The following GNB4 variants were observed in gnomAD, a reference collection of about 807,000 sequenced individuals.
GNB4 encodes guanine nucleotide-binding protein subunit beta-4.
GNB4 carries 28 observed loss-of-function variants against 45.2 expected under a neutral mutation model. That is an observed-to-expected ratio of 0.62 (90% CI 0.46 to 0.85). The LOEUF (loss-of-function observed/expected upper bound fraction) is 0.85. GNB4 is among the 40% of genes least tolerant of loss of function. The probability of loss-of-function intolerance (pLI) is 0.00; values close to 1 mark genes in which losing one functional copy is unlikely to be tolerated. For synonymous variants in GNB4, 132 were observed against 143.7 expected (o/e 0.92, Z 0.58); for missense variants, 321 against 425.4 (o/e 0.75, Z 2.16).
the GNB4 span, among the ~76,000 whole-genome samples, chr3:179,518,369 T>A: frequency 1.3e-5 from 2 of 152,084 alleles, no homozygotes; most frequent in Non-Finnish European, 2.9e-5. Flanking sequence ...CCCTCCTTAG[T>A]CTCTGTTCCC....
chr3:179,409,908 AT>A (rs760658358), intron 8 of GNB4, among the ~76,000 whole-genome samples: 1 of 151,846 alleles, frequency 6.6e-6, no homozygotes, highest in Non-Finnish European at 1.5e-5. Flanking sequence ...CCCAAATCTC[AT>A]CTTGCATTGT....
intron 2 of GNB4, among the ~76,000 whole-genome samples, chr3:179,425,851 T>C (rs996623895): frequency 4.6e-5 from 7 of 152,210 alleles, no homozygotes; most frequent in Non-Finnish European, 8.8e-5. Flanking sequence ...ATCTACATTA[T>C]GGTTTTGTAC....
chr3:179,523,883 TTTAG>T, the GNB4 span, among the ~76,000 whole-genome samples: 3 of 152,114 alleles, frequency 2.0e-5, no homozygotes, highest in Non-Finnish European at 4.4e-5. Flanking sequence ...AAGCAGATAA[TTTAG>T]TTAAAGTGTC....
chr3:179,474,000 C>A, the GNB4 span, among the ~76,000 whole-genome samples: 1 of 152,044 alleles, frequency 6.6e-6, no homozygotes, highest in South Asian at 2.1e-4. Context: ...ATTTGTTTGG[C>A]TTCGTCAGTT....
rs1714710076 is a variant in GNB4, at chr3:179,413,514, A to G, written c.597T>C (p.Phe199=). Residue 199 remains phenylalanine (F), a synonymous_variant, in exon 8 of 10, where the codon TTT becomes TTC. Transcript: ENST00000232564. ...AAGAGGCATCACAAGCACCAGAAAC[A>G]AAAGTCCTCATGTCAGGACTCAAAG... is the stretch of plus-strand genomic sequence containing the variant. The part of the protein sequence containing the change: ...SLSLSPDMRT[F]VSGACDASSK... 1.2e-6 allele frequency: 2 copies of G among 1,614,052 alleles called. No homozygotes were observed. The highest frequency in any genetic ancestry group is 2.2e-5 in the East Asian group (1 of 44,876).
the GNB4 span, among the ~76,000 whole-genome samples, chr3:179,468,035 A>AAAAAAAAAAAAAATATAT: frequency 8.9e-5 from 8 of 89,860 alleles, 1 homozygote; most frequent in Admixed American, 2.2e-4. Context: ...TGTTGATAAA[A>AAAAAAAAAAAAAATATAT]ATATATATAT....
intron 1 of GNB4, among the ~76,000 whole-genome samples, chr3:179,434,440 G>A (rs1022325771): frequency 6.6e-6 from 1 of 152,086 alleles, no homozygotes; most frequent in African/African-American, 2.4e-5. Context: ...CACACAATGG[G>A]CCAGGCGCAG....
chr3:179,480,989 T>C, the GNB4 span, among the ~76,000 whole-genome samples: 1 of 152,024 alleles, frequency 6.6e-6, no homozygotes, highest in South Asian at 2.1e-4. Context: ...TAGCTGGGAT[T>C]ACAGGCGCCC....
chr3:179,426,865 C>A (rs1357481671), intron 1 of GNB4, among the ~76,000 whole-genome samples: 4 of 152,176 alleles, frequency 2.6e-5, no homozygotes, highest in African/African-American at 7.2e-5. Flanking sequence ...CGACCACTCT[C>A]TGGTCTAATT....
chr3:179,511,529 ACT>A, the GNB4 span, among the ~76,000 whole-genome samples: 13 of 152,068 alleles, frequency 8.5e-5, no homozygotes, highest in Non-Finnish European at 1.9e-4. Flanking sequence ...AAGACCAAAG[ACT>A]CTGAAGGCAA....
intron 1 of GNB4, among the ~76,000 whole-genome samples, chr3:179,436,026 C>A (rs1267742219): frequency 6.6e-6 from 1 of 152,158 alleles, no homozygotes; most frequent in Non-Finnish European, 1.5e-5. Flanking sequence ...ACAAGTATTT[C>A]TTAGCTACTA....
the GNB4 span, among the ~76,000 whole-genome samples, chr3:179,495,419 T>C: frequency 3.1e-3 from 468 of 151,670 alleles, 2 homozygotes; most frequent in African/African-American, 0.011. Context: ...GAGGTTGCAG[T>C]GAGCCAAGGT....
intron 1 of GNB4, 38 bp downstream of exon 1, chr3:179,451,308 C>A (rs1231990804): frequency 1.3e-5 from 2 of 151,398 alleles, no homozygotes; most frequent in East Asian, 3.9e-4. Flanking sequence ...CTTCGCGGGG[C>A]GCACCGACGA....
chr3:179,426,311 C>G, intron 1 of GNB4, 69 bp from the exon 2 acceptor site: 1 of 743,386 alleles, frequency 1.3e-6, no homozygotes, highest in Admixed American at 3.1e-5. Context: ...TTTTACAATA[C>G]TGACATATAA....
the GNB4 span, among the ~76,000 whole-genome samples, chr3:179,521,732 T>C: frequency 6.6e-6 from 1 of 152,228 alleles, no homozygotes; most frequent in Non-Finnish European, 1.5e-5. Flanking sequence ...AGGCACTCTC[T>C]AATTGGATGC....
At chr3:179,427,064 C>T (rs1577034460) in intron 1 of GNB4, among the ~76,000 whole-genome samples, 1 of 152,072 alleles carries the variant, frequency 6.6e-6, no homozygotes, top group African/African-American at 2.4e-5. Flanking sequence ...GTTCCCTGAA[C>T]ATGCTAAGCA....
rs1356215956 is a variant in GNB4 at position 179,398,010 on chromosome 3, T to G, written c.*3203A>C. 4 of 152,052 alleles carry G rather than the reference T, an allele frequency of 2.6e-5. No individual in the cohort carries two copies. The highest frequency in any genetic ancestry group is 7.3e-5 in the African/African-American group (3 of 41,354). The allele number at this position is 152,052 out of a possible 1,614,324, so 9.4% of individuals were successfully genotyped here. On this transcript the variant is annotated 3_prime_UTR_variant, in exon 10 of 10. Coordinates refer to ENST00000232564, the MANE Select transcript of GNB4 (RefSeq NM_021629.4). ...TCCCAAAGTGCTGGGATTACAGGTG[T>G]GAGCCACCATGCCTGGCCAAGAACT... is the stretch of plus-strand genomic sequence containing the variant.
intron 1 of GNB4, among the ~76,000 whole-genome samples, chr3:179,445,315 T>C (rs1165211016): frequency 1.3e-5 from 2 of 152,142 alleles, no homozygotes; most frequent in East Asian, 3.8e-4. Flanking sequence ...AGACAGGGTC[T>C]CCTCTGTCAC....
intron 1 of GNB4, chr3:179,437,961 C>T (rs373188230): frequency 4.1e-4 from 62 of 152,252 alleles, no homozygotes; most frequent in East Asian, 3.7e-3. Context: ...AATCCCAGTG[C>T]TTTGGGAGGT....
Sources: gnomAD v4.1 joint callset for allele counts (sites outside exome capture counted in the v4.1 genomes callset) on GRCh38, gnomAD v4.1.1 for gene constraint, MANE v1.5 for transcripts, NCBI Gene and HGNC (gene_info 2026-07-23, HGNC 2026-07-21) for gene names.